Variants in METTL5 observed in about 807,000 individuals in gnomAD.
METTL5 encodes the protein methyltransferase 5, N6-adenosine.
Under a neutral mutation model 26.5 loss-of-function variants are expected in METTL5, and 28 were observed. The observed-to-expected ratio is 1.06, with a 90% confidence interval of 0.78 to 1.45. The LOEUF (loss-of-function observed/expected upper bound fraction) is 1.45. Among genes scored for constraint, METTL5 ranks in the 40% most tolerant of loss-of-function variants. The pLI is 0.00. For synonymous variants in METTL5, 86 were observed against 82.6 expected, an observed-to-expected ratio of 1.04 and a Z score of -0.22; for missense variants, 231 against 249.9, an observed-to-expected ratio of 0.92 and a Z score of 0.51.
At chr2:169,819,224 C>T (rs2081550759) in intron 4 of METTL5, among the ~76,000 whole-genome samples, 1 of 152,094 alleles carries the variant, frequency 6.6e-6, no homozygotes, top group Non-Finnish European at 1.5e-5. Flanking sequence ...TACATCAGGC[C>T]ACACCGGGAC....
chr2:169,822,116 G>A, intron 1 of METTL5, 59 bp from the exon 2 acceptor site: 1 of 1,552,440 alleles, frequency 6.4e-7, no homozygotes. Flanking sequence ...TCTAATTTGT[G>A]CAAATGACTC....
At chr2:169,816,859 C>T (rs990886766) in intron 4 of METTL5, among the ~76,000 whole-genome samples, 1 of 152,060 alleles carries the variant, frequency 6.6e-6, no homozygotes, top group African/African-American at 2.4e-5. Flanking sequence ...TAGGCAATAC[C>T]ATTCAGGACA....
At chr2:169,818,118 G>A (rs1372293432) in intron 4 of METTL5, among the ~76,000 whole-genome samples, 1 of 152,056 alleles carries the variant, frequency 6.6e-6, no homozygotes, top group Non-Finnish European at 1.5e-5. Context: ...TTTCCTACTG[G>A]GAGTCTAGAA....
At chr2:169,819,768 G>C (rs187335273) in intron 3 of METTL5, 125 bp from the exon 4 acceptor site, 34 of 579,044 alleles carry the variant, frequency 5.9e-5, no homozygotes, top group African/African-American at 4.5e-4. Flanking sequence ...TAGCAATAAG[G>C]GTACAAATAA....
intron 4 of METTL5, 106 bp from the exon 5 acceptor site, chr2:169,815,634 T>A: frequency 1.3e-6 from 1 of 746,638 alleles, no homozygotes; most frequent in Non-Finnish European, 2.1e-6. Context: ...AAAATTTCAT[T>A]AGAATCTAGA....
intron 6 of METTL5, 165 bp downstream of exon 6, chr2:169,812,292 G>T: frequency 8.9e-7 from 1 of 1,121,080 alleles, no homozygotes; most frequent in Non-Finnish European, 1.3e-6. Flanking sequence ...GCAGGCTGGA[G>T]TTCAGTGGGG....
rs902886700 is a variant in METTL5, at chr2:169,812,137, T to C, written c.592-279A>G. ...GAACTAGAATATTAGCTATTGACGA[T>C]GGGCCTTTCCCACAGGCCATTTATG... On this transcript the variant is annotated intron_variant, in intron 6 of 6. Coordinates refer to ENST00000260953, the MANE Select transcript of METTL5 (RefSeq NM_014168.4). The C allele has an allele frequency of 1.3e-5, 7 of 558,872 alleles. No individual in the cohort carries two copies. The Admixed American group carries it at 1.4e-4, about 11-fold the overall frequency. 34.6% of individuals were successfully genotyped at this position (558,872 alleles called of 1,614,324 possible).
At chr2:169,821,428 A>C (rs2081583813) in intron 2 of METTL5, among the ~76,000 whole-genome samples, 155 bp from the exon 3 acceptor site, 2 of 150,250 alleles carry the variant, frequency 1.3e-5, no homozygotes, top group African/African-American at 2.5e-5. Flanking sequence ...TTCTTTTTTC[A>C]GACAGGATCT....
chr2:169,821,425 T>A (rs577141617), intron 2 of METTL5, 152 bp from the exon 3 acceptor site: 1 of 634,856 alleles, frequency 1.6e-6, no homozygotes, highest in Non-Finnish European at 2.6e-6. Flanking sequence ...TTTTTCTTTT[T>A]TCAGACAGGA....
In METTL5 at chr2:169,812,683, G is replaced by A; in HGVS notation, c.542-177C>T. The A allele has an allele frequency of 3.2e-6, 2 of 621,850 alleles. 1 individual carries two copies. The highest frequency in any genetic ancestry group is 4.5e-5 in the South Asian group (2 of 44,476). The allele number at this position is 621,850 out of a possible 1,614,324, so 38.5% of individuals were successfully genotyped here. ...TGTATTCCTAGCATTAGCCATGGCA[G>A]CTTGGCATTTCTGTTATTATGGCCA... On this transcript the variant is annotated intron_variant, in intron 5 of 6. Transcript: ENST00000260953.
At chr2:169,823,898 A>C (rs779603606) in intron 1 of METTL5, among the ~76,000 whole-genome samples, 4 of 152,214 alleles carry the variant, frequency 2.6e-5, no homozygotes, top group Non-Finnish European at 5.9e-5. Context: ...GTTGTCCTGT[A>C]TTCTCTCTTG....
At chr2:169,812,280 G>T in intron 6 of METTL5, 177 bp downstream of exon 6, 2 of 955,482 alleles carry the variant, frequency 2.1e-6, no homozygotes, top group Non-Finnish European at 3.2e-6. Context: ...CACTCTTATC[G>T]CGCAGGCTGG....
At chr2:169,817,461 G>T in intron 4 of METTL5, among the ~76,000 whole-genome samples, 1 of 152,136 alleles carries the variant, frequency 6.6e-6, no homozygotes, top group Non-Finnish European at 1.5e-5. Flanking sequence ...AAATCATGCT[G>T]CTATAAAGAC....
At chr2:169,818,231 A>G (rs1279956401) in intron 4 of METTL5, among the ~76,000 whole-genome samples, 1 of 152,198 alleles carries the variant, frequency 6.6e-6, no homozygotes, top group East Asian at 1.9e-4. Context: ...AATGTTTCAC[A>G]TGTGTTATCA....
At chr2:169,812,556 C>T (rs1333561858) in intron 5 of METTL5, 50 bp from the exon 6 acceptor site, 4 of 1,579,376 alleles carry the variant, frequency 2.5e-6, no homozygotes, top group South Asian at 2.3e-5. Context: ...CAAGCGTTTA[C>T]CACCCTTGAC....
chr2:169,815,190 G>A (rs145972113), intron 5 of METTL5, among the ~76,000 whole-genome samples: 2 of 152,170 alleles, frequency 1.3e-5, no homozygotes, highest in Non-Finnish European at 2.9e-5. Flanking sequence ...ACCACACCTG[G>A]CCCCCAGCCC....
At chr2:169,814,468 C>CAGAAAAAAAAAAAAAA in intron 5 of METTL5, among the ~76,000 whole-genome samples, 1 of 57,556 alleles carries the variant, frequency 1.7e-5, no homozygotes, top group Non-Finnish European at 3.0e-5. Flanking sequence ...GGCTTTGTCT[C>CAGAAAAAAAAAAAAAA]AAAAAAAAAA....
chr2:169,819,978 T>A (rs1266571202), intron 3 of METTL5, among the ~76,000 whole-genome samples: 1 of 150,588 alleles, frequency 6.6e-6, no homozygotes, highest in Non-Finnish European at 1.5e-5. Context: ...GTCTTTTTTT[T>A]TTTTGTTTCG....
intron 2 of METTL5, 49 bp downstream of exon 2, chr2:169,821,894 C>G (rs1244994123): frequency 3.2e-6 from 5 of 1,542,964 alleles, no homozygotes; most frequent in Non-Finnish European, 4.5e-6. Flanking sequence ...CATTGATGCT[C>G]CTTATTAAAG....
Sources: gnomAD v4.1 joint callset for allele counts (sites outside exome capture counted in the v4.1 genomes callset) on GRCh38, gnomAD v4.1.1 for gene constraint, MANE v1.5 for transcripts, NCBI Gene and HGNC (gene_info 2026-07-23, HGNC 2026-07-21) for gene names.